The following F2R variants were observed in gnomAD, a reference collection of about 807,000 sequenced individuals.
The protein encoded by F2R is coagulation factor II thrombin receptor.
A neutral mutation model predicts 18.3 loss-of-function variants in F2R; 12 were observed. That is an observed-to-expected ratio of 0.66 (90% confidence interval 0.42 to 1.06). F2R has a LOEUF of 1.06. F2R is among the 50% of genes least tolerant of loss of function. The pLI is 0.00. For synonymous variants in F2R, 210 were observed against 219.9 expected, an observed-to-expected ratio of 0.95 and a Z score of 0.40; for missense variants, 438 against 530.8, an observed-to-expected ratio of 0.83 and a Z score of 1.72.
chr5:76,718,993 C>T (rs969374507), intron 1 of F2R, among the ~76,000 whole-genome samples: 1 of 152,132 alleles, frequency 6.6e-6, no homozygotes, highest in Non-Finnish European at 1.5e-5. Context: ...TATTACTCAC[C>T]CTCCAGTTCA....
chr5:76,716,692 C>T (rs773170045), intron 1 of F2R: 70 of 732,444 alleles, frequency 9.6e-5, no homozygotes, highest in Non-Finnish European at 1.5e-4. Context: ...TGCAGTCCTG[C>T]GTTGCACTTG....
rs1346475435 is a variant in F2R at position 76,716,375 on chromosome 5, G to A, written c.68G>A (p.Arg23His). 2.1e-6 allele frequency: 3 copies of A among 1,456,380 alleles called. No homozygotes were observed. The highest frequency in any genetic ancestry group is 1.4e-5 in the South Asian group (1 of 72,858). 90.2% of individuals were successfully genotyped at this position (1,456,380 alleles called of 1,614,324 possible). Residue 23 changes from arginine (R) to histidine (H), a missense_variant, in exon 1 of 2, where the codon CGC becomes CAC. Coordinates refer to ENST00000319211, the MANE Select transcript of F2R (RefSeq NM_001992.5). ...FSLCGPLLSA[R>H]TRARRPESKA... Reference sequence around the variant, plus strand: ...CTGTGCGGCCCGCTGTTGTCTGCCCGCACCCGGGCCCGCAGGCCAGGTGAG... The same window carrying A: ...CTGTGCGGCCCGCTGTTGTCTGCCCACACCCGGGCCCGCAGGCCAGGTGAG...
At chr5:76,722,082 A>G (rs951604175) in intron 1 of F2R, among the ~76,000 whole-genome samples, 4 of 152,210 alleles carry the variant, frequency 2.6e-5, no homozygotes, top group African/African-American at 9.6e-5. Flanking sequence ...TATCATGTCT[A>G]GAACCTAATT....
intron 1 of F2R, among the ~76,000 whole-genome samples, chr5:76,726,064 C>T (rs767815600): frequency 7.9e-5 from 12 of 152,172 alleles, no homozygotes; most frequent in Non-Finnish European, 1.8e-4. Context: ...TCTGGCCAGG[C>T]TTCCAAAACT....
Position 76,720,273 on chromosome 5 carries a change from T to TA in F2R, c.88+3886dup, listed in dbSNP as rs1008535887. On this transcript the variant is annotated intron_variant, in intron 1 of 1. Coordinates refer to ENST00000319211, the MANE Select transcript of F2R (RefSeq NM_001992.5). ...CAACATAGTAAGACCCCATCTCTATTAAAAAAAATAATTAAAAAGTAGCCA... is the reference window on the plus strand; with the variant it reads ...CAACATAGTAAGACCCCATCTCTATTAAAAAAAAATAATTAAAAAGTAGCCA... Among the ~76,000 whole-genome samples, 211 of 151,540 alleles carry TA rather than the reference T, an allele frequency of 1.4e-3. 3 individuals are homozygous for TA. The highest frequency in any genetic ancestry group is 1.6e-3 in the East Asian group (8 of 5,152).
At position 76,735,492 on chromosome 5, in the gene F2R, A is replaced by G. The variant is rs1748766447; in HGVS notation, c.*1989A>G. ...CCATCTCAAAAAATAAAAATAAATAAAAAATAAAAAAATAAAAGAGCAAAC... is the reference window on the plus strand; with the variant it reads ...CCATCTCAAAAAATAAAAATAAATAGAAAATAAAAAAATAAAAGAGCAAAC... On this transcript the variant is annotated 3_prime_UTR_variant, in exon 2 of 2. Coordinates refer to ENST00000319211, the MANE Select transcript of F2R (RefSeq NM_001992.5). 1 of 152,080 alleles carries G rather than the reference A, an allele frequency of 6.6e-6. No individual in the cohort carries two copies. The highest frequency in any genetic ancestry group is 1.5e-5 in the Non-Finnish European group (1 of 68,008). 9.4% of individuals were successfully genotyped at this position (152,080 alleles called of 1,614,324 possible).
chr5:76,733,644 G>T lies in F2R; in HGVS notation c.*141G>T, dbSNP rs751472124. 1.5e-6 allele frequency: 1 copy of T among 653,542 alleles called. No individual in the cohort carries two copies. Among genetic ancestry groups the T allele is most frequent in the Non-Finnish European group, 2.6e-6 (1 of 391,000 alleles). 40.5% of individuals were successfully genotyped at this position (653,542 alleles called of 1,614,324 possible). ...ACTTGCATACCTGCTTTTTATGGGA[G>T]CTGTCAAGCATGTATTTTTGTCAAT... is the stretch of plus-strand genomic sequence containing the variant. On this transcript the variant is annotated 3_prime_UTR_variant, in exon 2 of 2. Transcript: ENST00000319211.
intron 1 of F2R, among the ~76,000 whole-genome samples, chr5:76,728,559 G>C (rs1015589646): frequency 4.6e-5 from 7 of 151,982 alleles, no homozygotes; most frequent in African/African-American, 1.7e-4. Context: ...GTATTCCACT[G>C]TGTATATACA....
chr5:76,720,593 A>G (rs1748430750), intron 1 of F2R, among the ~76,000 whole-genome samples: 1 of 152,172 alleles, frequency 6.6e-6, no homozygotes, highest in Non-Finnish European at 1.5e-5. Context: ...TGTACAATGT[A>G]CACTGTAAAC....
At position 76,716,174 on chromosome 5, in the gene F2R, T is replaced by C. The variant is rs73127597; in HGVS notation, c.-134T>C. ...CCGAGGGTCGCTTGGACCCTGATCT[T>C]ACCCGTGGGCACCCTGCGCTCTGCC... On this transcript the variant is annotated 5_prime_UTR_variant, in exon 1 of 2. Coordinates refer to ENST00000319211, the MANE Select transcript of F2R (RefSeq NM_001992.5). 6.5e-3 allele frequency: 4,040 copies of C among 619,192 alleles called. 66 individuals carry two copies. The highest frequency in any genetic ancestry group is 0.04 in the Admixed American group (931 of 23,008). 38.4% of individuals were successfully genotyped at this position (619,192 alleles called of 1,614,324 possible).
At chr5:76,730,908 A>G (rs1748655957) in intron 1 of F2R, among the ~76,000 whole-genome samples, 2 of 152,246 alleles carry the variant, frequency 1.3e-5, no homozygotes, top group Admixed American at 1.3e-4. Context: ...TACAGAGGAT[A>G]CAGATGAACA....
chr5:76,728,776 C>T (rs545543703), intron 1 of F2R, among the ~76,000 whole-genome samples: 106 of 151,014 alleles, frequency 7.0e-4, no homozygotes, highest in African/African-American at 2.6e-3. Flanking sequence ...CTGCAACCTC[C>T]GCCTCCTGCG....
intron 1 of F2R, among the ~76,000 whole-genome samples, chr5:76,718,202 G>C (rs977816911): frequency 6.6e-6 from 1 of 152,184 alleles, no homozygotes; most frequent in Admixed American, 6.5e-5. Context: ...CAGCGGCTAA[G>C]CAAGTGGTGG....
chr5:76,723,498 C>T (rs1748506011), intron 1 of F2R, among the ~76,000 whole-genome samples: 1 of 152,124 alleles, frequency 6.6e-6, no homozygotes, highest in African/African-American at 2.4e-5. Flanking sequence ...ATGCTCATGT[C>T]ATAGAAATGT....
rs1022809710 is a variant in F2R at position 76,735,713 on chromosome 5, T to C, written c.*2210T>C. 8 of 152,230 alleles carry C rather than the reference T, an allele frequency of 5.3e-5. No homozygotes were observed. The highest frequency in any genetic ancestry group is 8.8e-5 in the Non-Finnish European group (6 of 68,040). The allele number at this position is 152,230 out of a possible 1,614,324, so 9.4% of individuals were successfully genotyped here. Reference sequence around the variant, plus strand: ...ACTTACAAAATAGTATGTCACTGTTTTTATGTTCATTCTTAAAAACATAAC... The same window carrying C: ...ACTTACAAAATAGTATGTCACTGTTCTTATGTTCATTCTTAAAAACATAAC... On this transcript the variant is annotated 3_prime_UTR_variant, in exon 2 of 2. Coordinates refer to ENST00000319211, the MANE Select transcript of F2R (RefSeq NM_001992.5).
intron 1 of F2R, among the ~76,000 whole-genome samples, chr5:76,722,038 C>A (rs1580889761): frequency 6.6e-6 from 1 of 152,314 alleles, no homozygotes; most frequent in East Asian, 1.9e-4. Flanking sequence ...AGGAAGAGTT[C>A]TGTTTTCCTG....
In F2R at chr5:76,733,085, C is replaced by T. The variant is rs771205478; in HGVS notation, c.860C>T (p.Thr287Met). ...TTTTTTGTGCCGCTGATCATTTCCA[C>T]GGTCTGTTATGTGTCTATCATTCGA... ...VFFFVPLIIS[T>M]VCYVSIIRCL... The change falls in exon 2 of 2, where the codon ACG becomes ATG. Residue 287 changes from threonine (T) to methionine (M), a missense_variant. Coordinates refer to ENST00000319211, the MANE Select transcript of F2R (RefSeq NM_001992.5). The T allele has an allele frequency of 1.9e-6, 3 of 1,614,198 alleles. No homozygotes were observed. Among genetic ancestry groups the T allele is most frequent in the Non-Finnish European group, 1.7e-6 (2 of 1,180,042 alleles).
At position 76,733,098 on chromosome 5, in the gene F2R, G is replaced by A. The variant is rs1332152950; in HGVS notation, c.873G>A (p.Val291=). 1 of 1,614,118 alleles carries A rather than the reference G, an allele frequency of 6.2e-7. No individual in the cohort carries two copies. Among genetic ancestry groups the A allele is most frequent in the East Asian group, 2.2e-5 (1 of 44,876 alleles). The part of the protein sequence containing the change: ...VPLIISTVCY[V]SIIRCLSSSA... ...TGATCATTTCCACGGTCTGTTATGTGTCTATCATTCGATGTCTTAGCTCTT... is the reference window on the plus strand; with the variant it reads ...TGATCATTTCCACGGTCTGTTATGTATCTATCATTCGATGTCTTAGCTCTT... Residue 291 remains valine (V), a synonymous_variant, in exon 2 of 2, where the codon GTG becomes GTA. Transcript: ENST00000319211.
chr5:76,726,632 C>G (rs904775871), intron 1 of F2R, among the ~76,000 whole-genome samples: 2 of 151,934 alleles, frequency 1.3e-5, no homozygotes, highest in African/African-American at 4.8e-5. Context: ...ACTGGGGAGG[C>G]AGAGGTTGCA....
Sources: gnomAD v4.1 joint callset for allele counts (sites outside exome capture counted in the v4.1 genomes callset) on GRCh38, gnomAD v4.1.1 for gene constraint, MANE v1.5 for transcripts, NCBI Gene and HGNC (gene_info 2026-07-23, HGNC 2026-07-21) for gene names.